The following PLXNB1 variants were observed in gnomAD, a reference collection of about 807,000 sequenced individuals.
PLXNB1 encodes plexin B1, also known as plexin-B1.
A neutral mutation model predicts 209.4 loss-of-function variants in PLXNB1; 106 were observed. That is an observed-to-expected ratio of 0.51 (90% CI 0.43 to 0.59). The LOEUF (loss-of-function observed/expected upper bound fraction) is 0.59, where lower values mean the gene tolerates loss of function less well. PLXNB1 is among the 20% of genes least tolerant of loss of function. PLXNB1 has a pLI of 0.00. For missense variants in PLXNB1, 2,357 were observed against 2,853.2 expected, an observed-to-expected ratio of 0.83 and a Z score of 3.96; for synonymous variants, 1,167 against 1,183.2, an observed-to-expected ratio of 0.99 and a Z score of 0.28.
chr3:48,416,637 G>A lies in PLXNB1; in HGVS notation c.3375-186C>T, dbSNP rs2038121035. ...GACACATCAGAAGGCCTTGGTATCT[G>A]AGAATTAATATTTGTGGCTTCAATC... On this transcript the variant is annotated intron_variant, in intron 16 of 37. Coordinates refer to ENST00000296440, the MANE Select transcript of PLXNB1 (RefSeq NM_001130082.3). This position sits in a 1 kb window ranked among gnomAD's most constrained non-coding sequence, Gnocchi z 4.1. 1 of 425,326 alleles carries A rather than the reference G, an allele frequency of 2.4e-6. No individual in the cohort carries two copies. Among genetic ancestry groups the A allele is most frequent in the East Asian group, 3.6e-5 (1 of 27,978 alleles). 26.3% of individuals were successfully genotyped at this position (425,326 alleles called of 1,614,324 possible).
At chr3:48,425,554 C>T (rs1054014813) in intron 1 of PLXNB1, among the ~76,000 whole-genome samples, 1 of 151,910 alleles carries the variant, frequency 6.6e-6, no homozygotes, top group Non-Finnish European at 1.5e-5. Flanking sequence ...GAGCCAGGCA[C>T]CCGAGGGGCC....
chr3:48,412,209 A>C (rs745451270), intron 27 of PLXNB1, 29 bp downstream of exon 27: 1 of 1,610,518 alleles, frequency 6.2e-7, no homozygotes, highest in South Asian at 1.1e-5. Flanking sequence ...CTCCCTGGAC[A>C]GGAGCCCTGT....
In PLXNB1 at chr3:48,410,488, C is replaced by G; in HGVS notation, c.5487G>C (p.Leu1829=). ...DEDVTSEVQG[L]WRRLNTLQHY... is the part of the protein sequence containing the mutation. ...GCTGCAGTGTGTTCAGGCGCCTCCA[C>G]AGACCCTGGACCTCAGAAGTGACAT... Residue 1829 remains leucine (L), a synonymous_variant, in exon 30 of 38, where the codon CTG becomes CTC. Coordinates refer to ENST00000296440, the MANE Select transcript of PLXNB1 (RefSeq NM_001130082.3). This position sits in a 1 kb window ranked among gnomAD's most constrained non-coding sequence, Gnocchi z 6.4. 6.2e-7 allele frequency: 1 copy of G among 1,614,032 alleles called. No individual in the cohort carries two copies. Among genetic ancestry groups the G allele is most frequent in the Non-Finnish European group, 8.5e-7 (1 of 1,179,996 alleles).
Position 48,418,679 on chromosome 3 carries a change from G to C in PLXNB1, c.2956-137C>G, listed in dbSNP as rs1245147606. The C allele has an allele frequency of 4.5e-6, 4 of 891,740 alleles. No individual in the cohort carries two copies. In the East Asian group the frequency reaches 1.1e-4, roughly 24 times the overall value. The allele number at this position is 891,740 out of a possible 1,614,324, so 55.2% of individuals were successfully genotyped here. On this transcript the variant is annotated intron_variant, in intron 13 of 37. Coordinates refer to ENST00000296440, the MANE Select transcript of PLXNB1 (RefSeq NM_001130082.3). The surrounding 1 kb of genome is among the most constrained non-coding windows in gnomAD (Gnocchi z 6.6). ...GGACCCCATGGGGCCACAAGTTGGA[G>C]GGCAGAGCCAGAAATGGAGTATGGG... is the stretch of plus-strand genomic sequence containing the variant.
Position 48,413,018 on chromosome 3 carries a change from A to G in PLXNB1, c.4636+51T>C, listed in dbSNP as rs1447346862. 6.2e-7 allele frequency: 1 copy of G among 1,607,782 alleles called. No homozygotes were observed. The highest frequency in any genetic ancestry group is 8.5e-7 in the Non-Finnish European group (1 of 1,174,436). The stretch of plus-strand genomic sequence containing the variant: ...TTAAGCACCAATCCCGTGTGATGGG[A>G]GTGGGTTTGGGCAGAGTTCTGGAGG... On this transcript the variant is annotated intron_variant, in intron 24 of 37. Coordinates refer to ENST00000296440, the MANE Select transcript of PLXNB1 (RefSeq NM_001130082.3). This position sits in a 1 kb window ranked among gnomAD's most constrained non-coding sequence, Gnocchi z 5.4.
rs1445613342 is a variant in PLXNB1 at position 48,420,015 on chromosome 3, C to T, written c.2271G>A (p.Glu757=). Reference sequence around the variant, plus strand: ...TTTGGGGGCTGGGAGGGGAGGGCTCCTCATGGAGAGGCGACCCTGTGGAGC... The same window carrying T: ...TTTGGGGGCTGGGAGGGGAGGGCTCTTCATGGAGAGGCGACCCTGTGGAGC... The part of the protein sequence containing the change: ...SPGSTGSPLH[E]EPSPPSPQNG... Residue 757 remains glutamate (E), a synonymous_variant, in exon 11 of 38, where the codon GAG becomes GAA. Transcript: ENST00000296440. The T allele has an allele frequency of 6.2e-7, 1 of 1,606,548 alleles. No homozygotes were observed. The highest frequency in any genetic ancestry group is 8.5e-7 in the Non-Finnish European group (1 of 1,175,326).
rs934894992 is a variant in PLXNB1, at chr3:48,422,631, C to T, written c.1290+134G>A. 9 of 1,234,538 alleles carry T rather than the reference C, an allele frequency of 7.3e-6. No homozygotes were observed. In the East Asian group the frequency reaches 2.0e-4, roughly 28 times the overall value. The allele number at this position is 1,234,538 out of a possible 1,614,324, so 76.5% of individuals were successfully genotyped here. On this transcript the variant is annotated intron_variant, in intron 4 of 37. Transcript: ENST00000296440. ...AGGAAAGTCACAGGTAAACACCACC[C>T]AGTCCTGGGGAGAGGAGCTCAGGTC...
Position 48,421,795 on chromosome 3 carries a change from C to A in PLXNB1, c.1532G>T (p.Arg511Leu). The change falls in exon 7 of 38, where the codon CGT becomes CTT. Residue 511 changes from arginine to leucine, a missense_variant. Transcript: ENST00000296440. ...GCCCTGGCCCCTCGAGCACTCAGAA[C>A]GGCGACTGCACCTGGGCGAGATGAC... ...WCVLLGRCSR[R>L]SECSRGQGPE... 1 of 1,598,884 alleles carries A rather than the reference C, an allele frequency of 6.3e-7. No individual in the cohort carries two copies. Among genetic ancestry groups the A allele is most frequent in the Non-Finnish European group, 8.6e-7 (1 of 1,168,184 alleles).
rs751987969 is a variant in PLXNB1, at chr3:48,423,931, G to A, written c.681C>T (p.Ser227=). The A allele has an allele frequency of 5.6e-5, 91 of 1,614,000 alleles. 1 individual carries two copies. Among genetic ancestry groups the A allele is most frequent in the South Asian group, 2.6e-4 (24 of 91,092 alleles). Residue 227 remains serine (S), a synonymous_variant, in exon 3 of 38, where the codon AGC becomes AGT. Coordinates refer to ENST00000296440, the MANE Select transcript of PLXNB1 (RefSeq NM_001130082.3). ...HFVSAFARGA[S]AYFLFLRRDL... ...CCCGCCGCAGGAACAGGAAGTAGGCGCTGGCCCCACGTGCAAAGGCACTCA... is the reference window on the plus strand; with the variant it reads ...CCCGCCGCAGGAACAGGAAGTAGGCACTGGCCCCACGTGCAAAGGCACTCA...
At position 48,415,934 on chromosome 3, in the gene PLXNB1, G is replaced by T. The variant is rs756728578; in HGVS notation, c.3617+97C>A. ...TGGCCACTCTCTGAAGGAGCAGACT[G>T]GCCCTCTTCCCCTTTCTGCTCTCCC... On this transcript the variant is annotated intron_variant, in intron 18 of 37. Coordinates refer to ENST00000296440, the MANE Select transcript of PLXNB1 (RefSeq NM_001130082.3). The surrounding 1 kb of genome is among the most constrained non-coding windows in gnomAD (Gnocchi z 5.0). The T allele has an allele frequency of 1.5e-5, 22 of 1,434,976 alleles. No homozygotes were observed. Among genetic ancestry groups the T allele is most frequent in the Non-Finnish European group, 2.1e-5 (22 of 1,059,044 alleles). The allele number at this position is 1,434,976 out of a possible 1,614,324, so 88.9% of individuals were successfully genotyped here.
Position 48,420,931 on chromosome 3 carries a change from G to A in PLXNB1, c.1836C>T (p.Leu612=). The A allele has an allele frequency of 4.3e-6, 7 of 1,613,918 alleles. No individual in the cohort carries two copies. Among genetic ancestry groups the A allele is most frequent in the Non-Finnish European group, 5.9e-6 (7 of 1,179,846 alleles). ...TGGCGATCACAACAGCGCCAAATCT[G>A]AGCTCCACGCTCACGGATACGTAGT... ...GADYVSVSVE[L]RFGAVVIAKT... Residue 612 remains leucine, a synonymous_variant, in exon 9 of 38, where the codon CTC becomes CTT. Coordinates refer to ENST00000296440, the MANE Select transcript of PLXNB1 (RefSeq NM_001130082.3).
In PLXNB1 at chr3:48,405,917, ATGGGCACTACAG is replaced by A; in HGVS notation, c.6229-131_6229-120del. ...GGGGACCTGAGAGGTAGAGAATGGG[ATGGGCACTACAG>A]TGGGAAGCAGAGTCCCCTCCATGGC... On this transcript the variant is annotated intron_variant, in intron 36 of 37. Coordinates refer to ENST00000296440, the MANE Select transcript of PLXNB1 (RefSeq NM_001130082.3). The surrounding 1 kb of genome is among the most constrained non-coding windows in gnomAD (Gnocchi z 5.0). 1 of 757,138 alleles carries A rather than the reference ATGGGCACTACAG, an allele frequency of 1.3e-6. No homozygotes were observed. Among genetic ancestry groups the A allele is most frequent in the Non-Finnish European group, 2.3e-6 (1 of 441,300 alleles). 46.9% of individuals were successfully genotyped at this position (757,138 alleles called of 1,614,324 possible).
Position 48,410,194 on chromosome 3 carries a change from A to C in PLXNB1, c.5605+102T>G. The C allele has an allele frequency of 6.9e-7, 1 of 1,450,014 alleles. No individual in the cohort carries two copies. Among genetic ancestry groups the C allele is most frequent in the Non-Finnish European group, 9.3e-7 (1 of 1,071,264 alleles). The allele number at this position is 1,450,014 out of a possible 1,614,324, so 89.8% of individuals were successfully genotyped here. Reference sequence around the variant, plus strand: ...CTGGTTGAGGGATTTCCTGGGCCGAATGGAAATAGGCACAAGCCTGCCCTG... The same window carrying C: ...CTGGTTGAGGGATTTCCTGGGCCGACTGGAAATAGGCACAAGCCTGCCCTG... On this transcript the variant is annotated intron_variant, in intron 31 of 37. Coordinates refer to ENST00000296440, the MANE Select transcript of PLXNB1 (RefSeq NM_001130082.3). This position sits in a 1 kb window ranked among gnomAD's most constrained non-coding sequence, Gnocchi z 6.4.
At chr3:48,420,297 G>C (rs1316397396) in intron 10 of PLXNB1, 40 bp from the exon 11 acceptor site, 2 of 1,250,168 alleles carry the variant, frequency 1.6e-6, no homozygotes, top group South Asian at 2.7e-5. Flanking sequence ...GGGCCACTCA[G>C]CAGGCAGGCG....
chr3:48,407,083 CG>C lies in PLXNB1; in HGVS notation c.6095del (p.Pro2032ArgfsTer36). 1 of 1,613,952 alleles carries C rather than the reference CG, an allele frequency of 6.2e-7. No individual in the cohort carries two copies. Among genetic ancestry groups the C allele is most frequent in the South Asian group, 1.1e-5 (1 of 91,058 alleles). Reference sequence around the variant, plus strand: ...CCCGTGCATACAGAAGTTTGTTGATCGGGGAGTCCTGGACATAGCAGGAGGA... The same window carrying C: ...CCCGTGCATACAGAAGTTTGTTGATCGGGAGTCCTGGACATAGCAGGAGGA... ...LADHKLGRDS[P>X]INKLLYARDI... is the part of the protein sequence containing the mutation. On this transcript the variant is annotated frameshift_variant, in exon 35 of 38. Transcript: ENST00000296440. LOFTEE classifies it high-confidence loss of function.
chr3:48,412,609 C>T lies in PLXNB1; in HGVS notation c.4866G>A (p.Thr1622=), dbSNP rs34555887. ...CTGAAAAGGTGCGCTGGCTCTCCAG[C>T]GTGTGGATGAACTGCAGCCAAAGAG... ...SKLFLTKFIH[T]LESQRTFSAR... The change falls in exon 26 of 38, where the codon ACG becomes ACA. Residue 1622 remains threonine (T), a synonymous_variant. Coordinates refer to ENST00000296440, the MANE Select transcript of PLXNB1 (RefSeq NM_001130082.3). 2.4e-3 allele frequency: 3,925 copies of T among 1,613,232 alleles called. 65 individuals are homozygous for T. In the African/African-American group the frequency reaches 0.044, roughly 18 times the overall value.
In PLXNB1 at chr3:48,409,672, G is replaced by C; in HGVS notation, c.5838C>G (p.Pro1946=). The C allele has an allele frequency of 1.2e-6, 2 of 1,613,968 alleles. No individual in the cohort carries two copies. The highest frequency in any genetic ancestry group is 1.7e-6 in the Non-Finnish European group (2 of 1,180,022). The change falls in exon 33 of 38, where the codon CCC becomes CCG. Residue 1946 remains proline (P), a synonymous_variant. Transcript: ENST00000296440. This position sits in a 1 kb window ranked among gnomAD's most constrained non-coding sequence, Gnocchi z 5.8. ...AGAAGTACTTCACAGCGAGCGGCACGGGGCGGCTGGTGCTGAGAATCACCT... is the reference window on the plus strand; with the variant it reads ...AGAAGTACTTCACAGCGAGCGGCACCGGGCGGCTGGTGCTGAGAATCACCT... ...LFQVILSTSR[P]VPLAVKYFFD...
rs779918941 is a variant in PLXNB1 at position 48,412,223 on chromosome 3, C to A, written c.5100+15G>T. The A allele has an allele frequency of 2.3e-5, 37 of 1,613,230 alleles. No individual in the cohort carries two copies. The South Asian group carries it at 4.1e-4, about 18-fold the overall frequency. On this transcript the variant is annotated intron_variant, in intron 27 of 37. Coordinates refer to ENST00000296440, the MANE Select transcript of PLXNB1 (RefSeq NM_001130082.3). ...CCTCCCTGGACAGGAGCCCTGTCCA[C>A]CTCTGCCCCCTCACCCTCACGAAGG...
Position 48,416,226 on chromosome 3 carries a change from G to A in PLXNB1, c.3481-59C>T. ...GACCAGACACATGGAGGCAGGGACA[G>A]CCTGAGAGACAGGCTGGCCCAGGAC... On this transcript the variant is annotated intron_variant, in intron 17 of 37. Transcript: ENST00000296440. The surrounding 1 kb of genome is among the most constrained non-coding windows in gnomAD (Gnocchi z 4.1). The A allele has an allele frequency of 1.3e-6, 2 of 1,569,098 alleles. No individual in the cohort carries two copies. Among genetic ancestry groups the A allele is most frequent in the Non-Finnish European group, 1.7e-6 (2 of 1,151,072 alleles).
Sources: gnomAD v4.1 joint callset for allele counts (sites outside exome capture counted in the v4.1 genomes callset) on GRCh38, gnomAD v4.1.1 for gene constraint, Gnocchi (gnomAD v3.1) non-coding constraint, MANE v1.5 for transcripts, NCBI Gene and HGNC (gene_info 2026-07-23, HGNC 2026-07-21) for gene names.